The following ADSL variants were observed in gnomAD, a reference collection of about 807,000 sequenced individuals.
ADSL encodes the protein adenylosuccinate lyase.
ADSL carries 44 observed loss-of-function variants against 62.1 expected under a neutral mutation model. The observed-to-expected ratio is 0.71, with a 90% confidence interval of 0.56 to 0.91. ADSL has a LOEUF of 0.91. ADSL is among the 40% of genes least tolerant of loss of function. The pLI is 0.00. For synonymous variants in ADSL, 198 were observed against 220.5 expected, an observed-to-expected ratio of 0.90 and a Z score of 0.90; for missense variants, 531 against 627.4, an observed-to-expected ratio of 0.85 and a Z score of 1.64.
At chr22:40,365,352 T>C (rs2044963062) in intron 12 of ADSL, among the ~76,000 whole-genome samples, 2 of 152,166 alleles carry the variant, frequency 1.3e-5, no homozygotes, top group African/African-American at 4.8e-5. Flanking sequence ...TTTATTTCTT[T>C]GTGTAGATTT....
rs2044779637 is a variant in ADSL at position 40,361,334 on chromosome 22, A to G, written c.854A>G (p.Gln285Arg). 4.3e-6 allele frequency: 7 copies of G among 1,614,098 alleles called. No homozygotes were observed. Among genetic ancestry groups the G allele is most frequent in the Non-Finnish European group, 5.9e-6 (7 of 1,180,030 alleles). Residue 285 changes from glutamine to arginine, a missense_variant, in exon 8 of 13, where the codon CAG becomes CGG. Around this residue, in one of 2 missense-constraint regions of ADSL, gnomAD observed 471 missense variants for 592.9 expected, o/e 0.79. Transcript: ENST00000623063. ...LKEMEEPFEK[Q>R]QIGSSAMPYK... ...GAGATGGAGGAACCCTTTGAAAAAC[A>G]GCAGATTGGTGAGTGCTGTGTAGAG...
chr22:40,360,586 A>G, intron 7 of ADSL, 94 bp downstream of exon 7: 1 of 880,452 alleles, frequency 1.1e-6, no homozygotes. Flanking sequence ...CATCTCTCTC[A>G]AGCAATATTT....
intron 7 of ADSL, 125 bp from the exon 8 acceptor site, chr22:40,361,148 C>A: frequency 1.1e-6 from 1 of 887,204 alleles, no homozygotes; most frequent in Non-Finnish European, 1.9e-6. Context: ...TGGGAGGATG[C>A]GCTGGTCTTC....
chr22:40,385,721 C>T (rs932033458), intron 2 of ADSL, among the ~76,000 whole-genome samples: 1 of 152,118 alleles, frequency 6.6e-6, no homozygotes, highest in Non-Finnish European at 1.5e-5. Context: ...TTGAAAGTAT[C>T]GCTGAAGGAA....
chr22:40,374,773 G>A (rs2046275278), intron 2 of ADSL, among the ~76,000 whole-genome samples: 2 of 152,162 alleles, frequency 1.3e-5, no homozygotes, highest in South Asian at 2.1e-4. Context: ...CCAGCTACTC[G>A]GGAGGCTGAG....
At position 40,364,877 on chromosome 22, in the gene ADSL, C is replaced by T. The variant is rs201486312; in HGVS notation, c.1192-3C>T. 6.2e-7 allele frequency: 1 copy of T among 1,614,138 alleles called. No individual in the cohort carries two copies. Among genetic ancestry groups the T allele is most frequent in the East Asian group, 2.2e-5 (1 of 44,878 alleles). On this transcript the variant is annotated splice_polypyrimidine_tract_variant and splice_region_variant and intron_variant, in intron 11 of 12. Transcript: ENST00000623063. ...AACTGACAATACTTCACTGTCTTCC[C>T]AGGATTGCCATGAGAAAATCAGAGT...
intron 7 of ADSL, among the ~76,000 whole-genome samples, 195 bp downstream of exon 7, chr22:40,360,687 G>C (rs550989923): frequency 6.6e-6 from 1 of 151,912 alleles, no homozygotes; most frequent in East Asian, 1.9e-4. Flanking sequence ...CTCAAGCACT[G>C]CAAAACATCC....
In ADSL at chr22:40,346,576, T is replaced by G; in HGVS notation, c.18T>G (p.Asp6Glu). ...GGGTTGGGATGGCGGCTGGAGGCGA[T>G]CATGGTTCGCCCGACAGCTACCGCT... MAAGG[D>E]HGSPDSYRSP... The change falls in exon 1 of 13, where the codon GAT becomes GAG. Residue 6 changes from aspartate (D) to glutamate (E), a missense_variant. By Grantham distance (45) the Asp-to-Glu change is conservative. Coordinates refer to ENST00000623063, the MANE Select transcript of ADSL (RefSeq NM_000026.4). 6.2e-7 allele frequency: 1 copy of G among 1,605,728 alleles called. No individual in the cohort carries two copies. The highest frequency in any genetic ancestry group is 8.5e-7 in the Non-Finnish European group (1 of 1,177,204).
Position 40,353,185 on chromosome 22 carries a change from A to C in ADSL, c.402+68A>C. The C allele has an allele frequency of 2.5e-6, 3 of 1,223,578 alleles. No individual in the cohort carries two copies. In the South Asian group the frequency reaches 3.6e-5, roughly 15 times the overall value. 75.8% of individuals were successfully genotyped at this position (1,223,578 alleles called of 1,614,324 possible). A position where few individuals can be genotyped will look rare whatever the true frequency, so the allele number is the denominator to read the frequency against. ...ATGTTAGGAGATAGGCACCAGTTACAACTAAATCAACACAGTGTAAATTTT... is the reference window on the plus strand; with the variant it reads ...ATGTTAGGAGATAGGCACCAGTTACCACTAAATCAACACAGTGTAAATTTT... On this transcript the variant is annotated intron_variant, in intron 3 of 12. Coordinates refer to ENST00000623063, the MANE Select transcript of ADSL (RefSeq NM_000026.4).
chr22:40,358,805 A>G, intron 4 of ADSL, 59 bp from the exon 5 acceptor site: 1 of 1,550,214 alleles, frequency 6.5e-7, no homozygotes, highest in East Asian at 2.3e-5. Context: ...GAAGCAATGA[A>G]ACCTTGATGA....
In ADSL at chr22:40,351,627, A is replaced by G. The variant is rs17001850; in HGVS notation, c.358-1446A>G. On this transcript the variant is annotated intron_variant, in intron 2 of 12. Coordinates refer to ENST00000623063, the MANE Select transcript of ADSL (RefSeq NM_000026.4). ...TGGCCTAGCTTGTGCTCTTAATCAG[A>G]GTATACCCATGGAGGTTGAAGTTAG... Among the ~76,000 whole-genome samples, 1,370 of 151,954 alleles carry G rather than the reference A, an allele frequency of 9.0e-3. 17 individuals are homozygous for G. The highest frequency in any genetic ancestry group is 0.03 in the African/African-American group (1,239 of 41,432).
At chr22:40,380,152 C>T (rs2047320488) in intron 2 of ADSL, among the ~76,000 whole-genome samples, 1 of 152,128 alleles carries the variant, frequency 6.6e-6, no homozygotes, top group Non-Finnish European at 1.5e-5. Context: ...TAGTGAAGTG[C>T]TGTCCAAGAG....
downstream of ADSL, chr22:40,373,365 A>G (rs1410958954): frequency 1.3e-5 from 2 of 152,120 alleles, no homozygotes; most frequent in African/African-American, 4.8e-5. Context: ...TAAGAAGCAG[A>G]CTCTACATTC....
In ADSL at chr22:40,349,935, A is replaced by G. The variant is rs2044280567; in HGVS notation, c.257A>G (p.His86Arg). The change falls in exon 2 of 13, where the codon CAT (histidine) becomes CGT (arginine). Residue 86 changes from histidine (H) to arginine (R), a missense_variant. His to Arg is a conservative substitution (Grantham distance 29). This residue lies in a region of ADSL where 471 missense variants were observed against 592.9 expected (regional missense o/e 0.79). Coordinates refer to ENST00000623063, the MANE Select transcript of ADSL (RefSeq NM_000026.4). Reference sequence around the variant, plus strand: ...GCTGAGGAAGAGAAACGTTTACGACATGATGTGATGGCTCACGTGCACACA... The same window carrying G: ...GCTGAGGAAGAGAAACGTTTACGACGTGATGTGATGGCTCACGTGCACACA... ...MAAEEEKRLR[H>R]DVMAHVHTFG... 4 of 1,614,200 alleles carry G rather than the reference A, an allele frequency of 2.5e-6. No homozygotes were observed. Among genetic ancestry groups the G allele is most frequent in the East Asian group, 2.2e-5 (1 of 44,890 alleles).
intron 2 of ADSL, among the ~76,000 whole-genome samples, chr22:40,378,770 T>G (rs1417780371): frequency 6.6e-6 from 1 of 152,148 alleles, no homozygotes; most frequent in African/African-American, 2.4e-5. Flanking sequence ...AATGGGTTGT[T>G]GTACTGAATG....
chr22:40,386,618 C>T (rs183973826), intron 2 of ADSL, among the ~76,000 whole-genome samples: 33 of 121,218 alleles, frequency 2.7e-4, no homozygotes, highest in African/African-American at 9.0e-4. Flanking sequence ...GATCAGGTCT[C>T]GCTATGTTGC....
chr22:40,348,633 G>C lies in ADSL; in HGVS notation c.154-1199G>C, dbSNP rs1198509073. The C allele has an allele frequency of 1.0e-5, 4 of 398,350 alleles. No individual in the cohort carries two copies. The Admixed American group carries it at 1.8e-4, about 18-fold the overall frequency. 24.7% of individuals were successfully genotyped at this position (398,350 alleles called of 1,614,324 possible). A position where few individuals can be genotyped will look rare whatever the true frequency, so the allele number is the denominator to read the frequency against. ...TGGACTCAAGCGATCCACCGACCTTGGCCTCCCAAAGATGTGAGCCACCAT... is the reference window on the plus strand; with the variant it reads ...TGGACTCAAGCGATCCACCGACCTTCGCCTCCCAAAGATGTGAGCCACCAT... On this transcript the variant is annotated intron_variant, in intron 1 of 12. Coordinates refer to ENST00000623063, the MANE Select transcript of ADSL (RefSeq NM_000026.4).
intron 6 of ADSL, among the ~76,000 whole-genome samples, chr22:40,359,697 G>T (rs116603364): frequency 0.021 from 3,140 of 151,542 alleles, 95 homozygotes; most frequent in African/African-American, 0.068. Context: ...TTTTTGTATT[G>T]TTTTTGTATA....
chr22:40,348,747 C>T (rs542359297), intron 1 of ADSL: 1 of 396,268 alleles, frequency 2.5e-6, no homozygotes, highest in Admixed American at 4.4e-5. Flanking sequence ...GCTAGTAGCT[C>T]CTTTCTTGGA....
Sources: gnomAD v4.1 joint callset for allele counts (sites outside exome capture counted in the v4.1 genomes callset) on GRCh38, gnomAD v4.1.1 for gene constraint, gnomAD v4.1.1 regional missense constraint, MANE v1.5 for transcripts, NCBI Gene and HGNC (gene_info 2026-07-23, HGNC 2026-07-21) for gene names.